Variants in CADM2 observed in about 807,000 individuals in gnomAD.
The protein encoded by CADM2 is cell adhesion molecule 2.
A neutral mutation model predicts 49.8 loss-of-function variants in CADM2; 12 were observed. The observed-to-expected ratio is 0.24, with a 90% confidence interval of 0.15 to 0.39. CADM2 has a LOEUF of 0.39. CADM2 is among the 10% of genes least tolerant of loss of function. The probability of loss-of-function intolerance (pLI) is 1.00; values close to 1 mark genes in which losing one functional copy is unlikely to be tolerated. For synonymous variants in CADM2, 214 were observed against 175.4 expected (o/e 1.22, Z -1.74); for missense variants, 378 against 492.3 (o/e 0.77, Z 2.20).
chr3:85,273,880 A>G (rs540462359), intron 1 of CADM2, among the ~76,000 whole-genome samples: 18 of 151,558 alleles, frequency 1.2e-4, no homozygotes, highest in African/African-American at 4.1e-4. Flanking sequence ...AGAAGAGGTT[A>G]CGTCCAGTCT....
intron 1 of CADM2, among the ~76,000 whole-genome samples, chr3:85,604,626 A>T (rs985252083): frequency 6.6e-6 from 1 of 152,004 alleles, no homozygotes; most frequent in Non-Finnish European, 1.5e-5. Flanking sequence ...AATTTAGTGA[A>T]TATTTACCAA....
intron 1 of CADM2, among the ~76,000 whole-genome samples, chr3:85,526,085 C>T (rs2061153074): frequency 6.6e-6 from 1 of 152,100 alleles, no homozygotes; most frequent in African/African-American, 2.4e-5. Context: ...CGTGAGTCAG[C>T]CAGGCCTCTC....
chr3:85,042,067 A>G (rs2035464413), intron 1 of CADM2, among the ~76,000 whole-genome samples: 1 of 152,178 alleles, frequency 6.6e-6, no homozygotes. Flanking sequence ...ATTACCCTAC[A>G]TTACCCTATC....
At chr3:85,478,430 A>T (rs540600594) in intron 1 of CADM2, among the ~76,000 whole-genome samples, 2 of 152,044 alleles carry the variant, frequency 1.3e-5, no homozygotes, top group South Asian at 4.1e-4. Flanking sequence ...CTCTGAAAAC[A>T]TGAGTATGGT....
intron 8 of CADM2, among the ~76,000 whole-genome samples, chr3:85,969,886 C>T (rs1446311921): frequency 6.6e-6 from 1 of 150,598 alleles, no homozygotes; most frequent in Non-Finnish European, 1.5e-5. Context: ...TACACATATA[C>T]ACATATATAC....
intron 6 of CADM2, among the ~76,000 whole-genome samples, chr3:85,933,013 G>A (rs955228216): frequency 3.9e-5 from 6 of 152,054 alleles, no homozygotes; most frequent in South Asian, 2.1e-4. Context: ...ACAGATTCTC[G>A]CCTCTCCTGT....
chr3:85,443,332 AAT>A (rs1168415876), intron 1 of CADM2, among the ~76,000 whole-genome samples: 6 of 152,170 alleles, frequency 3.9e-5, no homozygotes, highest in African/African-American at 1.4e-4. Flanking sequence ...ATAAGGAGAC[AAT>A]ATATACTCAT....
At chr3:85,216,661 T>C (rs1311670748) in intron 1 of CADM2, among the ~76,000 whole-genome samples, 1 of 152,050 alleles carries the variant, frequency 6.6e-6, no homozygotes, top group Non-Finnish European at 1.5e-5. Context: ...TCAGTCAACA[T>C]CTTGGTTACA....
At chr3:85,465,725 A>G (rs1290268265) in intron 1 of CADM2, among the ~76,000 whole-genome samples, 1 of 152,010 alleles carries the variant, frequency 6.6e-6, no homozygotes, top group East Asian at 1.9e-4. Context: ...GGACTAGTCA[A>G]ATGCTTCTTA....
chr3:85,245,437 G>A (rs958002297), intron 1 of CADM2, among the ~76,000 whole-genome samples: 7 of 151,854 alleles, frequency 4.6e-5, no homozygotes, highest in South Asian at 2.1e-4. Flanking sequence ...GCGGGAACCC[G>A]GGAGGCGAAG....
intron 3 of CADM2, among the ~76,000 whole-genome samples, chr3:85,816,506 G>T (rs1322589332): frequency 6.6e-6 from 1 of 152,032 alleles, no homozygotes; most frequent in Admixed American, 6.6e-5. Flanking sequence ...CTAATAAATG[G>T]TCTTGATGTA....
chr3:84,971,115 T>G (rs2031401767), intron 1 of CADM2, among the ~76,000 whole-genome samples: 1 of 152,142 alleles, frequency 6.6e-6, no homozygotes, highest in Admixed American at 6.5e-5. Context: ...ATGATTCACT[T>G]AAAATTGAAT....
chr3:85,256,187 C>T (rs995506185), intron 1 of CADM2, among the ~76,000 whole-genome samples: 1 of 152,006 alleles, frequency 6.6e-6, no homozygotes, highest in African/African-American at 2.4e-5. Context: ...TTAGCAGCTT[C>T]CTCTCTCCCT....
At chr3:85,319,322 G>T (rs1329291549) in intron 1 of CADM2, among the ~76,000 whole-genome samples, 1 of 152,128 alleles carries the variant, frequency 6.6e-6, no homozygotes, top group African/African-American at 2.4e-5. Flanking sequence ...GCCTAGAAAA[G>T]GAATGCTTAT....
At position 86,044,634 on chromosome 3, in the gene CADM2, A is replaced by G. The variant is rs192706809; in HGVS notation, c.971-20971A>G. Among the ~76,000 whole-genome samples, 53 of 152,310 alleles carry G rather than the reference A, an allele frequency of 3.5e-4. No individual in the cohort carries two copies. The East Asian group carries it at 9.7e-3, about 28-fold the overall frequency. On this transcript the variant is annotated intron_variant, in intron 8 of 9. Transcript: ENST00000383699. ...GGTGGGACTGCAAACTAGTTCAACCATTGTGGAAGTCAGAGTGGCGATTCC... is the reference window on the plus strand; with the variant it reads ...GGTGGGACTGCAAACTAGTTCAACCGTTGTGGAAGTCAGAGTGGCGATTCC...
chr3:85,912,321 T>G, intron 5 of CADM2, 52 bp from the exon 6 acceptor site: 1 of 1,353,790 alleles, frequency 7.4e-7, no homozygotes, highest in East Asian at 2.6e-5. Context: ...GTAAATGCAA[T>G]CTGTTTTATT....
intron 1 of CADM2, among the ~76,000 whole-genome samples, chr3:85,330,935 C>T (rs1461410215): frequency 6.6e-6 from 1 of 152,046 alleles, no homozygotes; most frequent in African/African-American, 2.4e-5. Context: ...GCACTTCATT[C>T]TACATGACAG....
At chr3:85,254,097 A>C (rs1273421766) in intron 1 of CADM2, among the ~76,000 whole-genome samples, 5 of 152,104 alleles carry the variant, frequency 3.3e-5, no homozygotes, top group South Asian at 2.1e-4. Flanking sequence ...TAATCCTTGG[A>C]GTTCTTATAA....
intron 7 of CADM2, among the ~76,000 whole-genome samples, chr3:85,938,873 T>C (rs569613330): frequency 1.3e-5 from 2 of 152,084 alleles, no homozygotes; most frequent in African/African-American, 4.8e-5. Context: ...ATAGTGGCTA[T>C]ATGATTTCTT....
Sources: gnomAD v4.1 joint callset for allele counts (sites outside exome capture counted in the v4.1 genomes callset) on GRCh38, gnomAD v4.1.1 for gene constraint, MANE v1.5 for transcripts, NCBI Gene and HGNC (gene_info 2026-07-23, HGNC 2026-07-21) for gene names.